Variants in PHLPP1 observed in about 807,000 individuals in gnomAD.
The protein encoded by PHLPP1 is PH domain leucine-rich repeat-containing protein phosphatase 1.
Under a neutral mutation model 117.2 loss-of-function variants are expected in PHLPP1, and 42 were observed. That is an observed-to-expected ratio of 0.36 (90% CI 0.28 to 0.46). The LOEUF (loss-of-function observed/expected upper bound fraction) is 0.46. Among genes scored for constraint, PHLPP1 ranks in the 20% least tolerant of loss-of-function variants. The pLI is 1.00. For synonymous variants in PHLPP1, 1,042 were observed against 970.7 expected (o/e 1.07, Z -1.37); for missense variants, 2,084 against 2,241.9 (o/e 0.93, Z 1.42).
intron 4 of PHLPP1, among the ~76,000 whole-genome samples, chr18:62,870,994 AACTATAAT>A (rs1915887699): frequency 6.6e-6 from 1 of 152,310 alleles, no homozygotes; most frequent in East Asian, 1.9e-4. Context: ...TGTCACTAAT[AACTATAAT>A]ACATTGTTTA....
chr18:62,963,372 A>G lies in PHLPP1; in HGVS notation c.3460A>G (p.Ile1154Val). 1 of 1,609,076 alleles carries G rather than the reference A, an allele frequency of 6.2e-7. No homozygotes were observed. Among genetic ancestry groups the G allele is most frequent in the East Asian group, 2.2e-5 (1 of 44,844 alleles). ...CCTCCCTGTTTCTCTTGTTAGTAAT[A>G]TCCGCTGTTTCAAGATTGATCAGCC... ...DHKTLELLNN[I>V]RCFKIDQPST... is the part of the protein sequence containing the mutation. The change falls in exon 14 of 17, where the codon ATC becomes GTC. Residue 1154 changes from isoleucine to valine, a missense_variant. Ile to Val is a conservative substitution (Grantham distance 29, BLOSUM62 3). This residue lies in a region of PHLPP1 where 1,365 missense variants were observed against 1,605.9 expected (regional missense o/e 0.85). Coordinates refer to ENST00000262719, the MANE Select transcript of PHLPP1 (RefSeq NM_194449.4).
intron 1 of PHLPP1, among the ~76,000 whole-genome samples, chr18:62,766,104 A>ATATATATATAG (rs1289379653): frequency 2.4e-5 from 1 of 40,990 alleles, no homozygotes; most frequent in Admixed American, 2.8e-4. Flanking sequence ...TATATATATA[A>ATATATATATAG]AATATATATA....
rs1916517626 is a variant in PHLPP1 at position 62,895,057 on chromosome 18, G to A, written c.2113G>A (p.Asp705Asn). The change falls in exon 5 of 17, where the codon GAC becomes AAC. Residue 705 changes from aspartate (D) to asparagine (N), a missense_variant. Asp to Asn is a conservative substitution (Grantham distance 23, BLOSUM62 1). Around this residue, in one of 2 missense-constraint regions of PHLPP1, gnomAD observed 1,365 missense variants for 1,605.9 expected, o/e 0.85. Transcript: ENST00000262719. Reference sequence around the variant, plus strand: ...TAACCTTTCCAATAATCATTTAGGGGACTTCCCACTGGCAGTCTGCAGTAT... The same window carrying A: ...TAACCTTTCCAATAATCATTTAGGGAACTTCCCACTGGCAGTCTGCAGTAT... ...SLNLSNNHLG[D>N]FPLAVCSIPT... The A allele has an allele frequency of 1.9e-6, 3 of 1,613,058 alleles. No homozygotes were observed. The highest frequency in any genetic ancestry group is 2.5e-6 in the Non-Finnish European group (3 of 1,179,228).
intron 12 of PHLPP1, among the ~76,000 whole-genome samples, chr18:62,946,778 G>A (rs571627790): frequency 7.9e-5 from 12 of 152,156 alleles, no homozygotes; most frequent in Non-Finnish European, 1.5e-4. Flanking sequence ...ATTTGGCTGG[G>A]CGCGGTGGCT....
intron 4 of PHLPP1, among the ~76,000 whole-genome samples, chr18:62,874,184 C>CAA (rs779092532): frequency 1.6e-5 from 1 of 63,242 alleles, no homozygotes; most frequent in Non-Finnish European, 3.2e-5. Context: ...AACTCTGTCT[C>CAA]AAAAAAAAAA....
At chr18:62,845,248 T>TA (rs1281290448) in intron 3 of PHLPP1, among the ~76,000 whole-genome samples, 2 of 152,228 alleles carry the variant, frequency 1.3e-5, no homozygotes, top group South Asian at 4.2e-4. Context: ...TCACAGTCGT[T>TA]ATCTCTCCTG....
At position 62,902,985 on chromosome 18, in the gene PHLPP1, G is replaced by A. The variant is rs747521647; in HGVS notation, c.2466G>A (p.Leu822=). 2 of 1,611,692 alleles carry A rather than the reference G, an allele frequency of 1.2e-6. No homozygotes were observed. Among genetic ancestry groups the A allele is most frequent in the South Asian group, 1.1e-5 (1 of 91,064 alleles). Residue 822 remains leucine (L), a synonymous_variant, in exon 7 of 17, where the codon CTG becomes CTA. Coordinates refer to ENST00000262719, the MANE Select transcript of PHLPP1 (RefSeq NM_194449.4). ...VDLRLNVIRK[L]IADEVDFLQH... is the part of the protein sequence containing the mutation. ...CAAGGTTGAACGTAATTAGGAAGCT[G>A]ATAGCAGATGAAGTGGACTTTCTAC...
chr18:62,955,072 G>T (rs1910574894), intron 12 of PHLPP1, among the ~76,000 whole-genome samples: 1 of 152,222 alleles, frequency 6.6e-6, no homozygotes, highest in South Asian at 2.1e-4. Context: ...GAAACAGGTT[G>T]TAGTAGAGTT....
At position 62,802,134 on chromosome 18, in the gene PHLPP1, G is replaced by A. The variant is rs549973933; in HGVS notation, c.1577-27901G>A. 9.2e-5 allele frequency among the ~76,000 whole-genome samples: 14 copies of A among 152,264 alleles called. No individual in the cohort carries two copies. The South Asian group carries it at 2.9e-3, about 32-fold the overall frequency. ...AGCAGAGGGGGTTATGAGGATACGA[G>A]CTACCCCTTTTTCCAGTTGTTGATG... On this transcript the variant is annotated intron_variant, in intron 1 of 16. Coordinates refer to ENST00000262719, the MANE Select transcript of PHLPP1 (RefSeq NM_194449.4).
intron 10 of PHLPP1, among the ~76,000 whole-genome samples, chr18:62,938,586 A>T (rs1416535166): frequency 6.6e-6 from 1 of 152,226 alleles, no homozygotes; most frequent in Non-Finnish European, 1.5e-5. Flanking sequence ...AAGGTGATTA[A>T]GTCAGACTTT....
At position 62,914,918 on chromosome 18, in the gene PHLPP1, G is replaced by T; in HGVS notation, c.2714G>T (p.Arg905Leu). Reference sequence around the variant, plus strand: ...TTTTATGTTCTTGCATTTAGGAACCGCTTAGAAAATGTGCCTGAGTGGGTA... The same window carrying T: ...TTTTATGTTCTTGCATTTAGGAACCTCTTAGAAAATGTGCCTGAGTGGGTA... Reference protein sequence around the residue: ...YLSYMDVSRNRLENVPEWVCE... With the variant: ...YLSYMDVSRNLLENVPEWVCE... Residue 905 changes from arginine to leucine, a missense_variant, in exon 9 of 17, where the codon CGC (arginine) becomes CTC (leucine). Transcript: ENST00000262719. 6.2e-7 allele frequency: 1 copy of T among 1,612,562 alleles called. No individual in the cohort carries two copies. The highest frequency in any genetic ancestry group is 8.5e-7 in the Non-Finnish European group (1 of 1,178,886).
intron 4 of PHLPP1, among the ~76,000 whole-genome samples, chr18:62,865,714 A>T (rs1915754706): frequency 6.6e-6 from 1 of 152,234 alleles, no homozygotes; most frequent in African/African-American, 2.4e-5. Context: ...ATAAAAAGTG[A>T]GATTATGTCC....
intron 12 of PHLPP1, among the ~76,000 whole-genome samples, chr18:62,947,637 C>T (rs758079136): frequency 2.9e-4 from 44 of 152,102 alleles, no homozygotes; most frequent in Non-Finnish European, 2.9e-4. Flanking sequence ...ATTTGCTGGT[C>T]TTAGTGTCTG....
chr18:62,888,287 ATGTG>A (rs200659921), intron 4 of PHLPP1, among the ~76,000 whole-genome samples: 20,515 of 130,758 alleles, frequency 0.16, 1,435 homozygotes, highest in African/African-American at 0.2. Flanking sequence ...ATTTCACAAA[ATGTG>A]TGTGTGTGTG....
At chr18:62,924,676 GAA>G (rs35464959) in intron 10 of PHLPP1, among the ~76,000 whole-genome samples, 1,667 of 93,382 alleles carry the variant, frequency 0.018, 17 homozygotes, top group Middle Eastern at 0.044. Context: ...ACTACAAATT[GAA>G]AAAAAAAAAA....
chr18:62,895,631 C>A (rs899267627), intron 5 of PHLPP1, 150 bp from the exon 6 acceptor site: 1 of 606,768 alleles, frequency 1.6e-6, no homozygotes, highest in Non-Finnish European at 2.9e-6. Flanking sequence ...TCTCTTTGGT[C>A]CATTATTGCC....
chr18:62,849,593 G>A (rs1449784185), intron 3 of PHLPP1, among the ~76,000 whole-genome samples: 4 of 142,822 alleles, frequency 2.8e-5, no homozygotes, highest in East Asian at 2.0e-4. Context: ...CCCAGGAGGC[G>A]AAGCCAAGAT....
intron 2 of PHLPP1, among the ~76,000 whole-genome samples, chr18:62,834,573 C>T (rs901269743): frequency 5.3e-5 from 8 of 152,170 alleles, no homozygotes; most frequent in Non-Finnish European, 1.2e-4. Flanking sequence ...CATCTACTTT[C>T]GCAAGATGAT....
intron 1 of PHLPP1, among the ~76,000 whole-genome samples, chr18:62,806,209 G>A (rs1323191681): frequency 6.6e-6 from 1 of 152,146 alleles, no homozygotes; most frequent in East Asian, 1.9e-4. Context: ...CTTAGAAGAA[G>A]GGAGAATTGG....
Sources: gnomAD v4.1 joint callset for allele counts (sites outside exome capture counted in the v4.1 genomes callset) on GRCh38, gnomAD v4.1.1 for gene constraint, gnomAD v4.1.1 regional missense constraint, MANE v1.5 for transcripts, NCBI Gene and HGNC (gene_info 2026-07-23, HGNC 2026-07-21) for gene names.